IQGAP3: variants seen among roughly 807,000 people sequenced by gnomAD.
IQGAP3 encodes the protein ras GTPase-activating-like protein IQGAP3.
In IQGAP3, 165 loss-of-function variants were observed where a neutral mutation model predicts 208.2. That is an observed-to-expected ratio of 0.79 (90% CI 0.70 to 0.90). The LOEUF is 0.90. Among genes scored for constraint, IQGAP3 ranks in the 40% least tolerant of loss-of-function variants. The pLI is 0.00. For missense variants in IQGAP3, 1,811 were observed against 2,043.1 expected (o/e 0.89, Z 2.19); for synonymous variants, 703 against 803.6 (o/e 0.87, Z 2.12).
rs573932420 is a variant in IQGAP3, at chr1:156,540,371, T to C, written c.2739+337A>G. Among the ~76,000 whole-genome samples the C allele has an allele frequency of 1.6e-4, 24 of 152,314 alleles. 1 individual carries two copies. In the South Asian group the frequency reaches 5.0e-3, roughly 32 times the overall value. On this transcript the variant is annotated intron_variant, in intron 23 of 37. Coordinates refer to ENST00000361170, the MANE Select transcript of IQGAP3 (RefSeq NM_178229.5). ...TTATGATTTAAACAGCTTTCATATCTGTCTCTATATTTGGCCTGGAGAGGT... is the reference window on the plus strand; with the variant it reads ...TTATGATTTAAACAGCTTTCATATCCGTCTCTATATTTGGCCTGGAGAGGT...
intron 14 of IQGAP3, 31 bp from the exon 15 acceptor site, chr1:156,551,899 GC>G: frequency 1.3e-6 from 2 of 1,595,792 alleles, no homozygotes; most frequent in Non-Finnish European, 1.7e-6. Flanking sequence ...TGGGCAGGGG[GC>G]CCCTAGACTT....
rs1675585459 is a variant in IQGAP3 at position 156,552,155 on chromosome 1, G to A, written c.1449-60C>T. 12 of 1,586,958 alleles carry A rather than the reference G, an allele frequency of 7.6e-6. No individual in the cohort carries two copies. In the South Asian group the frequency reaches 1.4e-4, roughly 18 times the overall value. ...CATGTGAATCATCAGCCAGAAGTCAGGGGAAACAGTTGAACGATTTTCTTC... is the reference window on the plus strand; with the variant it reads ...CATGTGAATCATCAGCCAGAAGTCAAGGGAAACAGTTGAACGATTTTCTTC... On this transcript the variant is annotated intron_variant, in intron 13 of 37. Coordinates refer to ENST00000361170, the MANE Select transcript of IQGAP3 (RefSeq NM_178229.5).
At chr1:156,552,713 G>T (rs1196495770) in intron 13 of IQGAP3, among the ~76,000 whole-genome samples, 1 of 152,158 alleles carries the variant, frequency 6.6e-6, no homozygotes, top group Non-Finnish European at 1.5e-5. Context: ...TGTCTAACAG[G>T]TCTCCCTGCT....
intron 11 of IQGAP3, among the ~76,000 whole-genome samples, chr1:156,559,898 A>G (rs1221535085): frequency 6.6e-6 from 1 of 152,234 alleles, no homozygotes; most frequent in Non-Finnish European, 1.5e-5. Context: ...AAGGGAGATA[A>G]GATCAGATCT....
At chr1:156,538,725 C>A in intron 26 of IQGAP3, 84 bp downstream of exon 26, 1 of 1,176,070 alleles carries the variant, frequency 8.5e-7, no homozygotes, top group Non-Finnish European at 1.3e-6. Context: ...AAAGTACACC[C>A]AAGCTTCCCC....
At chr1:156,553,266 A>C (rs944013277) in intron 13 of IQGAP3, among the ~76,000 whole-genome samples, 4 of 152,074 alleles carry the variant, frequency 2.6e-5, no homozygotes, top group African/African-American at 4.8e-5. Flanking sequence ...AGTAAAAACC[A>C]GAGTCCTACG....
At chr1:156,528,883 G>A (rs767216073) in intron 35 of IQGAP3, 33 bp downstream of exon 35, 4 of 1,613,168 alleles carry the variant, frequency 2.5e-6, no homozygotes, top group Non-Finnish European at 3.4e-6. Context: ...GAAGTCACTC[G>A]TAACCTTCCA....
At position 156,563,187 on chromosome 1, in the gene IQGAP3, G is replaced by A. The variant is rs1187327390; in HGVS notation, c.745C>T (p.Gln249Ter). The A allele has an allele frequency of 1.2e-6, 2 of 1,612,614 alleles. No homozygotes were observed. Among genetic ancestry groups the A allele is most frequent in the African/African-American group, 2.7e-5 (2 of 74,904 alleles). The part of the protein sequence containing the change: ...NLREPLAAVY[Q>*]EMLAQAKMEK... ...ATCTTGGCCTGGGCCAGCATCTCTTGGTAGACGGCTGCCAGAGGCTCTCGG... is the reference window on the plus strand; with the variant it reads ...ATCTTGGCCTGGGCCAGCATCTCTTAGTAGACGGCTGCCAGAGGCTCTCGG... Residue 249 changes from glutamine to a stop codon, truncating the protein, a stop_gained, in exon 8 of 38, where the codon CAA becomes TAA. Transcript: ENST00000361170. LOFTEE classifies it high-confidence loss of function.
intron 37 of IQGAP3, among the ~76,000 whole-genome samples, chr1:156,527,356 T>C (rs112998466): frequency 0.012 from 1,873 of 151,714 alleles, 38 homozygotes; most frequent in African/African-American, 0.042. Context: ...CGCACGCCTG[T>C]AATCCCAGCT....
At chr1:156,566,889 GGC>G (rs1465719078) in intron 2 of IQGAP3, among the ~76,000 whole-genome samples, 1 of 139,790 alleles carries the variant, frequency 7.2e-6, no homozygotes, top group Non-Finnish European at 1.5e-5. Flanking sequence ...TTTTTGAAAT[GGC>G]GTCTCGCTCT....
intron 22 of IQGAP3, among the ~76,000 whole-genome samples, chr1:156,543,054 A>G (rs900708814): frequency 6.6e-6 from 1 of 152,208 alleles, no homozygotes; most frequent in African/African-American, 2.4e-5. Flanking sequence ...GGGGCCAGTG[A>G]AGTCAGGAGA....
intron 19 of IQGAP3, among the ~76,000 whole-genome samples, chr1:156,547,382 CACACAG>C (rs1204213639): frequency 2.1e-5 from 2 of 95,438 alleles, no homozygotes; most frequent in Admixed American, 1.3e-4. Context: ...CAGACACAGA[CACACAG>C]ACACACACAC....
At chr1:156,553,200 G>T (rs1382577772) in intron 13 of IQGAP3, among the ~76,000 whole-genome samples, 4 of 152,042 alleles carry the variant, frequency 2.6e-5, no homozygotes, top group Admixed American at 1.3e-4. Context: ...AAAGAAGTAG[G>T]TCAGATCAAC....
intron 17 of IQGAP3, 46 bp from the exon 18 acceptor site, chr1:156,548,533 G>A: frequency 6.2e-7 from 1 of 1,602,010 alleles, no homozygotes; most frequent in Non-Finnish European, 8.5e-7. Flanking sequence ...GCAGGCAAGG[G>A]GTGGCTGGGG....
intron 13 of IQGAP3, 100 bp from the exon 14 acceptor site, chr1:156,552,195 A>C: frequency 7.2e-7 from 1 of 1,397,828 alleles, no homozygotes; most frequent in Non-Finnish European, 9.8e-7. Context: ...GACCTCCAGG[A>C]CACCACACTC....
chr1:156,536,818 A>T (rs1263821601), intron 27 of IQGAP3: 1 of 166,904 alleles, frequency 6.0e-6, no homozygotes, highest in Middle Eastern at 2.6e-3. Flanking sequence ...GAAAAGAGAG[A>T]ACTATAAAGT....
chr1:156,539,802 C>A (rs199715268), intron 24 of IQGAP3, 36 bp downstream of exon 24: 1 of 1,609,562 alleles, frequency 6.2e-7, no homozygotes, highest in Admixed American at 1.7e-5. Flanking sequence ...CCTCAGGAGA[C>A]GGGAGAGACT....
intron 19 of IQGAP3, among the ~76,000 whole-genome samples, chr1:156,545,646 T>C (rs1675206127): frequency 6.6e-6 from 1 of 152,060 alleles, no homozygotes; most frequent in Non-Finnish European, 1.5e-5. Context: ...ATCACAGGTG[T>C]GTGTCACCAT....
intron 7 of IQGAP3, 56 bp from the exon 8 acceptor site, chr1:156,563,368 C>A (rs767719165): frequency 1.8e-5 from 27 of 1,520,188 alleles, no homozygotes; most frequent in Non-Finnish European, 2.1e-5. Context: ...CAGATTGGAG[C>A]GCAACCAGTA....
Sources: gnomAD v4.1 joint callset for allele counts (sites outside exome capture counted in the v4.1 genomes callset) on GRCh38, gnomAD v4.1.1 for gene constraint, MANE v1.5 for transcripts, NCBI Gene and HGNC (gene_info 2026-07-23, HGNC 2026-07-21) for gene names.